Variants in SMC5 observed in about 807,000 individuals in gnomAD.
The protein encoded by SMC5 is structural maintenance of chromosomes protein 5.
SMC5 carries 88 observed loss-of-function variants against 148.3 expected under a neutral mutation model. The observed-to-expected ratio is 0.59, with a 90% CI of 0.50 to 0.71. The LOEUF (loss-of-function observed/expected upper bound fraction) is 0.71. Among genes scored for constraint, SMC5 ranks in the 30% least tolerant of loss-of-function variants. The probability of loss-of-function intolerance (pLI) is 0.00; values close to 1 mark genes in which losing one functional copy is unlikely to be tolerated. For missense variants in SMC5, 1,142 were observed against 1,298.9 expected (o/e 0.88, Z 1.86); for synonymous variants, 421 against 432.8 (o/e 0.97, Z 0.34).
At chr9:70,328,076 C>T (rs1331457888) in intron 17 of SMC5, among the ~76,000 whole-genome samples, 1 of 151,988 alleles carries the variant, frequency 6.6e-6, no homozygotes, top group East Asian at 1.9e-4. Flanking sequence ...CCCCCATTAT[C>T]CAATCACCTC....
At chr9:70,282,304 C>G in intron 6 of SMC5, 118 bp from the exon 7 acceptor site, 1 of 1,020,140 alleles carries the variant, frequency 9.8e-7, no homozygotes, top group East Asian at 2.9e-5. Flanking sequence ...ATTAATAAAC[C>G]TGTTTTGATA....
At chr9:70,333,434 C>T (rs759950120) in intron 17 of SMC5, among the ~76,000 whole-genome samples, 13 of 152,006 alleles carry the variant, frequency 8.6e-5, no homozygotes, top group Non-Finnish European at 1.9e-4. Flanking sequence ...TTCACCACTG[C>T]GCTTCAGCCT....
intron 11 of SMC5, among the ~76,000 whole-genome samples, chr9:70,306,336 T>C (rs1010316754): frequency 6.6e-6 from 1 of 152,162 alleles, no homozygotes; most frequent in African/African-American, 2.4e-5. Flanking sequence ...CACAAGTGCT[T>C]GGAAAGAATC....
intron 13 of SMC5, 129 bp from the exon 14 acceptor site, chr9:70,318,385 C>CT (rs1340631572): frequency 2.8e-6 from 2 of 712,188 alleles, no homozygotes; most frequent in African/African-American, 3.8e-5. Flanking sequence ...GAGACCCTGT[C>CT]TAAAAAAAAA....
intron 17 of SMC5, among the ~76,000 whole-genome samples, chr9:70,334,946 A>G (rs1457840276): frequency 6.6e-6 from 1 of 152,186 alleles, no homozygotes; most frequent in Non-Finnish European, 1.5e-5. Flanking sequence ...GTTTATATTA[A>G]AGGCATGAGT....
At chr9:70,349,828 A>C (rs1417074318) in intron 22 of SMC5, among the ~76,000 whole-genome samples, 1 of 152,320 alleles carries the variant, frequency 6.6e-6, no homozygotes, top group South Asian at 2.1e-4. Context: ...GGGGAAGCCT[A>C]CTAAACTTGA....
chr9:70,323,928 A>G, intron 16 of SMC5, 93 bp from the exon 17 acceptor site: 1 of 1,172,156 alleles, frequency 8.5e-7, no homozygotes, highest in South Asian at 1.8e-5. Flanking sequence ...TTATTTTTTC[A>G]TGGTTTATAA....
At chr9:70,345,835 A>G (rs1269081807) in intron 18 of SMC5, among the ~76,000 whole-genome samples, 2 of 152,162 alleles carry the variant, frequency 1.3e-5, no homozygotes, top group Non-Finnish European at 2.9e-5. Context: ...CAAGAATGGA[A>G]GCAGTGAAAC....
intron 2 of SMC5, 96 bp downstream of exon 2, chr9:70,264,541 C>A: frequency 8.5e-7 from 1 of 1,178,794 alleles, no homozygotes; most frequent in Non-Finnish European, 1.2e-6. Context: ...GTATAGCAAA[C>A]TTAATAGTGC....
chr9:70,343,849 A>G (rs963325608), intron 17 of SMC5, among the ~76,000 whole-genome samples: 1 of 152,032 alleles, frequency 6.6e-6, no homozygotes, highest in African/African-American at 2.4e-5. Context: ...AAATAAATAA[A>G]TAAATATAAT....
Position 70,352,284 on chromosome 9 carries a change from G to T in SMC5, c.3259G>T (p.Ala1087Ser), listed in dbSNP as rs983733477. The change falls in exon 25 of 25, where the codon GCT (alanine) becomes TCT (serine). Residue 1087 changes from alanine (A) to serine (S), a missense_variant. Ala to Ser is a moderately conservative substitution (Grantham distance 99, BLOSUM62 1). This residue lies in a region of SMC5 where 63 missense variants were observed against 65.7 expected (regional missense o/e 0.96). Coordinates refer to ENST00000361138, the MANE Select transcript of SMC5 (RefSeq NM_015110.4). ...GGAACCAAACACATGGAATTTAAAG[G>T]CTTTCCAAAGGCGGCGGCGCCGTAT... ...MLEPNTWNLK[A>S]FQRRRRRITF... 1.9e-6 allele frequency: 3 copies of T among 1,613,444 alleles called. No homozygotes were observed. The African/African-American group carries it at 4.0e-5, about 22-fold the overall frequency.
chr9:70,279,917 G>C (rs561373585), intron 5 of SMC5, among the ~76,000 whole-genome samples: 1 of 151,980 alleles, frequency 6.6e-6, no homozygotes, highest in African/African-American at 2.4e-5. Context: ...CAGGGGTTTG[G>C]TGTGTCACCC....
intron 3 of SMC5, among the ~76,000 whole-genome samples, chr9:70,271,748 C>A (rs2034455993): frequency 6.6e-6 from 1 of 151,784 alleles, no homozygotes; most frequent in Non-Finnish European, 1.5e-5. Flanking sequence ...TAAGCAAAGA[C>A]CTGAAGGAGG....
Position 70,293,561 on chromosome 9 carries a change from T to G in SMC5, c.1054-4405T>G, listed in dbSNP as rs1255600214. 2.0e-5 allele frequency among the ~76,000 whole-genome samples: 3 copies of G among 152,310 alleles called. No individual in the cohort carries two copies. In the East Asian group the frequency reaches 5.8e-4, roughly 29 times the overall value. ...TATTGATTTGATGCTTTTCCTCTTA[T>G]GTATACACTTGGTGTTATACATTTT... On this transcript the variant is annotated intron_variant, in intron 8 of 24. Coordinates refer to ENST00000361138, the MANE Select transcript of SMC5 (RefSeq NM_015110.4).
At chr9:70,274,231 G>A (rs371716546) in intron 3 of SMC5, among the ~76,000 whole-genome samples, 2 of 152,252 alleles carry the variant, frequency 1.3e-5, no homozygotes. Context: ...ACAGGCGCCC[G>A]ACACTACGCC....
intron 6 of SMC5, 113 bp downstream of exon 6, chr9:70,281,012 C>A: frequency 8.4e-7 from 1 of 1,192,398 alleles, no homozygotes; most frequent in Non-Finnish European, 1.2e-6. Flanking sequence ...TCATTTTTGG[C>A]TTTATATGTT....
intron 11 of SMC5, 108 bp from the exon 12 acceptor site, chr9:70,314,634 G>A (rs1046759840): frequency 2.4e-5 from 11 of 457,260 alleles, no homozygotes; most frequent in Admixed American, 4.2e-5. Context: ...TGCCGTGTTC[G>A]AGTTTCTTAT....
At chr9:70,336,859 A>G (rs992222717) in intron 17 of SMC5, among the ~76,000 whole-genome samples, 15 of 152,228 alleles carry the variant, frequency 9.9e-5, no homozygotes, top group African/African-American at 2.4e-5. Flanking sequence ...TGATAAAGAC[A>G]TACCCGAGAC....
At chr9:70,323,395 T>C (rs1012205282) in intron 15 of SMC5, 88 bp from the exon 16 acceptor site, 10 of 1,307,212 alleles carry the variant, frequency 7.6e-6, no homozygotes, top group African/African-American at 3.0e-5. Flanking sequence ...TTGCTAAATA[T>C]ATCCCAGAAA....
Sources: allele counts gnomAD v4.1 joint callset (sites outside exome capture counted in the v4.1 genomes callset), GRCh38; gene constraint gnomAD v4.1.1; regional missense constraint gnomAD v4.1.1; transcripts MANE v1.5; gene names NCBI Gene and HGNC (gene_info 2026-07-23, HGNC 2026-07-21).